Variants in TGM5 observed in about 807,000 individuals in gnomAD.
TGM5 encodes the protein transglutaminase 5.
TGM5 carries 69 observed loss-of-function variants against 77.2 expected under a neutral mutation model. The ratio of observed to expected loss-of-function variants is 0.89; its 90% confidence interval spans 0.74 to 1.09. The LOEUF is 1.09. Among genes scored for constraint, TGM5 ranks in the 50% least tolerant of loss-of-function variants. The probability of loss-of-function intolerance (pLI) is 0.00; values close to 1 mark genes in which losing one functional copy is unlikely to be tolerated. For missense variants in TGM5, 842 were observed against 896.5 expected (o/e 0.94, Z 0.78); for synonymous variants, 346 against 351.8 (o/e 0.98, Z 0.18).
At chr15:43,242,846 C>G (rs2042646569) in intron 6 of TGM5, among the ~76,000 whole-genome samples, 1 of 152,148 alleles carries the variant, frequency 6.6e-6, no homozygotes, top group South Asian at 2.1e-4. Context: ...ACTGAAGGAC[C>G]CTGAGACAGC....
At chr15:43,265,491 C>T (rs1442044117) in intron 1 of TGM5, among the ~76,000 whole-genome samples, 1 of 152,206 alleles carries the variant, frequency 6.6e-6, no homozygotes, top group Admixed American at 6.5e-5. Context: ...GGACAAAATT[C>T]CATCCTCTAG....
chr15:43,265,680 G>A (rs1208845984), intron 1 of TGM5, among the ~76,000 whole-genome samples: 1 of 152,224 alleles, frequency 6.6e-6, no homozygotes, highest in African/African-American at 2.4e-5. Flanking sequence ...AACTTTTAAA[G>A]TAAGTGATCT....
At chr15:43,249,203 G>A (rs998472660) in intron 6 of TGM5, among the ~76,000 whole-genome samples, 125 of 152,206 alleles carry the variant, frequency 8.2e-4, no homozygotes, top group Non-Finnish European at 1.5e-4. Context: ...CCAACCCCAG[G>A]CAGTTATGGA....
intron 4 of TGM5, among the ~76,000 whole-genome samples, chr15:43,256,112 T>C (rs1272524377): frequency 6.6e-6 from 1 of 152,234 alleles, no homozygotes; most frequent in Non-Finnish European, 1.5e-5. Flanking sequence ...CAGCCCTGCT[T>C]CTGGCTGAGA....
chr15:43,261,606 C>T (rs1000439453), intron 1 of TGM5, among the ~76,000 whole-genome samples: 20 of 152,316 alleles, frequency 1.3e-4, no homozygotes, highest in Admixed American at 1.0e-3. Flanking sequence ...CATGGTTCTG[C>T]CATGGTCCGA....
chr15:43,256,726 C>T (rs188181815), intron 3 of TGM5, 40 bp from the exon 4 acceptor site: 4 of 1,434,742 alleles, frequency 2.8e-6, no homozygotes, highest in Non-Finnish European at 3.9e-6. Flanking sequence ...AGAAAAGTCA[C>T]CTTTCCCTTA....
At chr15:43,264,730 C>A (rs1339045989) in intron 1 of TGM5, among the ~76,000 whole-genome samples, 2 of 152,148 alleles carry the variant, frequency 1.3e-5, no homozygotes, top group Admixed American at 1.3e-4. Flanking sequence ...TGAAAAACCA[C>A]TGAATTGTGG....
At chr15:43,239,317 A>G (rs1280824952) in intron 7 of TGM5, 51 bp from the exon 8 acceptor site, 1 of 1,573,234 alleles carries the variant, frequency 6.4e-7, no homozygotes, top group Non-Finnish European at 8.7e-7. Context: ...TCTTTCTAGA[A>G]CAAGGCAAGG....
Position 43,232,857 on chromosome 15 carries a change from C to G in TGM5, c.*334G>C. On this transcript the variant is annotated 3_prime_UTR_variant, in exon 13 of 13. Transcript: ENST00000220420. Reference sequence around the variant, plus strand: ...AGTCCAGGGGAGCTGTGCAAATGGTCCAGGGAAATATCCATCCATAGACAT... The same window carrying G: ...AGTCCAGGGGAGCTGTGCAAATGGTGCAGGGAAATATCCATCCATAGACAT... The G allele has an allele frequency of 2.9e-6, 1 of 343,132 alleles. No individual in the cohort carries two copies. Among genetic ancestry groups the G allele is most frequent in the East Asian group, 7.5e-5 (1 of 13,296 alleles). 21.3% of individuals were successfully genotyped at this position (343,132 alleles called of 1,614,324 possible).
chr15:43,242,615 T>C (rs2042644471), intron 6 of TGM5, among the ~76,000 whole-genome samples: 1 of 152,254 alleles, frequency 6.6e-6, no homozygotes, highest in African/African-American at 2.4e-5. Flanking sequence ...CTTCTTATTC[T>C]GCACTTTGAC....
intron 1 of TGM5, among the ~76,000 whole-genome samples, chr15:43,264,766 A>T (rs1256379178): frequency 2.6e-5 from 4 of 152,234 alleles, no homozygotes; most frequent in Non-Finnish European, 5.9e-5. Flanking sequence ...ACTTGATGGT[A>T]TATGAATTAT....
chr15:43,245,910 G>C (rs1027633862), intron 6 of TGM5, among the ~76,000 whole-genome samples: 2 of 139,256 alleles, frequency 1.4e-5, no homozygotes, highest in Admixed American at 1.4e-4. Flanking sequence ...GGGGGGGGGG[G>C]TCTTAAATGG....
At chr15:43,248,209 G>C (rs1299740983) in intron 6 of TGM5, among the ~76,000 whole-genome samples, 1 of 152,160 alleles carries the variant, frequency 6.6e-6, no homozygotes, top group African/African-American at 2.4e-5. Context: ...ACAGAGTCTT[G>C]CTCTGTCACC....
intron 9 of TGM5, among the ~76,000 whole-genome samples, chr15:43,237,762 C>A (rs767183674): frequency 1.4e-4 from 21 of 152,186 alleles, no homozygotes; most frequent in Non-Finnish European, 2.5e-4. Context: ...TTTTCTCTGA[C>A]AACCCCACTT....
At chr15:43,254,161 T>A (rs2042727467) in intron 4 of TGM5, among the ~76,000 whole-genome samples, 1 of 152,238 alleles carries the variant, frequency 6.6e-6, no homozygotes, top group Non-Finnish European at 1.5e-5. Context: ...TGGCTCCTCC[T>A]GGTCCTTCAG....
chr15:43,241,085 T>C, intron 6 of TGM5, 95 bp from the exon 7 acceptor site: 1 of 1,525,818 alleles, frequency 6.6e-7, no homozygotes, highest in Non-Finnish European at 9.0e-7. Flanking sequence ...AAATCTTCCA[T>C]TTGCCATCTG....
chr15:43,256,706 G>T lies in TGM5; in HGVS notation c.437-20C>A. The stretch of plus-strand genomic sequence containing the variant: ...CATCCTCTAGGAACCAGAGTGGGAG[G>T]GCACGAAGCAGAAAAGTCACCTTTC... On this transcript the variant is annotated intron_variant, in intron 3 of 12. Coordinates refer to ENST00000220420, the MANE Select transcript of TGM5 (RefSeq NM_201631.4). The T allele has an allele frequency of 6.4e-7, 1 of 1,556,830 alleles. No individual in the cohort carries two copies. The highest frequency in any genetic ancestry group is 8.9e-7 in the Non-Finnish European group (1 of 1,128,560).
chr15:43,237,431 C>T (rs1024920687), intron 9 of TGM5, among the ~76,000 whole-genome samples: 5 of 152,184 alleles, frequency 3.3e-5, no homozygotes, highest in African/African-American at 4.8e-5. Context: ...TGTGATAAAT[C>T]AGCAGTATTG....
Position 43,233,144 on chromosome 15 carries a change from T to G in TGM5, c.*47A>C, listed in dbSNP as rs745822685. The G allele has an allele frequency of 6.2e-7, 1 of 1,611,376 alleles. No homozygotes were observed. Among genetic ancestry groups the G allele is most frequent in the Non-Finnish European group, 8.5e-7 (1 of 1,178,738 alleles). ...CGCAGCTTGCATTTGAACTTGCTCC[T>G]TTTCCTGAAGCTTGAAATTCACACG... On this transcript the variant is annotated 3_prime_UTR_variant, in exon 13 of 13. Coordinates refer to ENST00000220420, the MANE Select transcript of TGM5 (RefSeq NM_201631.4).
Sources: allele counts gnomAD v4.1 joint callset (sites outside exome capture counted in the v4.1 genomes callset), GRCh38; gene constraint gnomAD v4.1.1; transcripts MANE v1.5; gene names NCBI Gene and HGNC (gene_info 2026-07-23, HGNC 2026-07-21).